HGSNAT: variants seen among roughly 807,000 people sequenced by gnomAD.
HGSNAT encodes the protein heparan-alpha-glucosaminide N-acetyltransferase, also known as transmembrane protein 76.
A neutral mutation model predicts 85.2 loss-of-function variants in HGSNAT; 59 were observed. That is an observed-to-expected ratio of 0.69 (90% CI 0.56 to 0.86). The LOEUF (loss-of-function observed/expected upper bound fraction) is 0.86. HGSNAT is among the 40% of genes least tolerant of loss of function. The pLI, the probability that HGSNAT is intolerant of heterozygous loss-of-function variation, is 0.00. For missense variants in HGSNAT, 756 were observed against 777.1 expected (o/e 0.97, Z 0.32); for synonymous variants, 321 against 304.5 (o/e 1.05, Z -0.56).
chr8:43,164,654 G>A (rs1161308015), intron 5 of HGSNAT, among the ~76,000 whole-genome samples: 4 of 152,108 alleles, frequency 2.6e-5, no homozygotes, highest in African/African-American at 7.2e-5. Flanking sequence ...GGCGGCGCAC[G>A]CCTGTAATCC....
chr8:43,144,614 C>T (rs1026202215), intron 1 of HGSNAT, among the ~76,000 whole-genome samples: 2 of 152,128 alleles, frequency 1.3e-5, no homozygotes, highest in African/African-American at 2.4e-5. Flanking sequence ...TCCCAAACAT[C>T]GCTTCCACTG....
intron 14 of HGSNAT, among the ~76,000 whole-genome samples, chr8:43,195,046 G>C (rs1804660639): frequency 6.6e-6 from 1 of 152,032 alleles, no homozygotes; most frequent in Non-Finnish European, 1.5e-5. Flanking sequence ...TGAGATGTGG[G>C]GAGTGTGACT....
At chr8:43,179,621 G>A (rs1384712473) in intron 10 of HGSNAT, among the ~76,000 whole-genome samples, 1 of 48,854 alleles carries the variant, frequency 2.0e-5, no homozygotes, top group Non-Finnish European at 3.7e-5. Context: ...GGGCAGAGGC[G>A]CCCCTCACCT....
rs1586760117 is a variant in HGSNAT, at chr8:43,199,475, A to C, written c.1814A>C (p.His605Pro). 1 of 1,612,986 alleles carries C rather than the reference A, an allele frequency of 6.2e-7. No individual in the cohort carries two copies. Residue 605 changes from histidine to proline, a missense_variant, in exon 18 of 18, where the codon CAC becomes CCC. Coordinates refer to ENST00000379644, the MANE Select transcript of HGSNAT (RefSeq NM_152419.3). ...FQWKLKDNQS[H>P]KEHLTQNIVA... ...TGGAAGCTGAAGGACAACCAGTCCC[A>C]CAAGGAGCACCTGACTCAGAACATC...
At chr8:43,193,679 T>C (rs1804615720) in intron 13 of HGSNAT, 78 bp from the exon 14 acceptor site, 7 of 903,052 alleles carry the variant, frequency 7.8e-6, no homozygotes. Flanking sequence ...GTATTCAGGT[T>C]TGTATTTGGT....
chr8:43,194,489 T>C (rs1397671333), intron 14 of HGSNAT: 2 of 985,314 alleles, frequency 2.0e-6, no homozygotes, highest in Non-Finnish European at 2.4e-6. Context: ...TCACACTTCT[T>C]TCATGTACAC....
chr8:43,190,493 G>A (rs1254423199), intron 11 of HGSNAT, among the ~76,000 whole-genome samples: 5 of 152,078 alleles, frequency 3.3e-5, no homozygotes, highest in African/African-American at 4.8e-5. Context: ...GATTTCCTTA[G>A]GGTGAAGGAC....
At chr8:43,169,130 T>G (rs1803530929) in intron 5 of HGSNAT, 43 bp from the exon 6 acceptor site, 1 of 1,218,492 alleles carries the variant, frequency 8.2e-7, no homozygotes, top group Non-Finnish European at 1.1e-6. Flanking sequence ...TAAAAAATTC[T>G]GCCAATGAAA....
chr8:43,184,492 C>T (rs185623183), intron 11 of HGSNAT, among the ~76,000 whole-genome samples: 1 of 151,952 alleles, frequency 6.6e-6, no homozygotes, highest in African/African-American at 2.4e-5. Flanking sequence ...TGTTTGATTT[C>T]TTCTTGTAAA....
intron 14 of HGSNAT, chr8:43,196,493 A>G: frequency 7.8e-7 from 1 of 1,289,820 alleles, no homozygotes; most frequent in Non-Finnish European, 1.0e-6. Flanking sequence ...TTTGTGGAGA[A>G]TTCTCTTTGG....
intron 11 of HGSNAT, among the ~76,000 whole-genome samples, chr8:43,184,297 G>C (rs1404520142): frequency 6.6e-6 from 1 of 150,606 alleles, no homozygotes; most frequent in Non-Finnish European, 1.5e-5. Context: ...TCCAGCACCT[G>C]TTGTTTCCTG....
chr8:43,186,272 G>GT lies in HGSNAT; in HGVS notation c.1128+4019dup, dbSNP rs545953515. Among the ~76,000 whole-genome samples, 9 of 152,110 alleles carry GT rather than the reference G, an allele frequency of 5.9e-5. No individual in the cohort carries two copies. The East Asian group carries it at 9.7e-4, about 16-fold the overall frequency. On this transcript the variant is annotated intron_variant, in intron 11 of 17. Transcript: ENST00000379644. ...GGTTGTGAATCCATCTGGTGCTGGAGTTTTTTTGTTGGTAGGCTATTAATT... is the reference window on the plus strand; with the variant it reads ...GGTTGTGAATCCATCTGGTGCTGGAGTTTTTTTTGTTGGTAGGCTATTAATT...
chr8:43,183,794 C>T (rs1216236474), intron 11 of HGSNAT, among the ~76,000 whole-genome samples: 1 of 152,110 alleles, frequency 6.6e-6, no homozygotes, highest in African/African-American at 2.4e-5. Flanking sequence ...TTTCCCCCTG[C>T]CCCACAACAG....
chr8:43,198,653 A>G (rs938870003), intron 17 of HGSNAT, among the ~76,000 whole-genome samples: 3 of 152,146 alleles, frequency 2.0e-5, no homozygotes, highest in African/African-American at 7.2e-5. Flanking sequence ...GAGATTGTGC[A>G]TTAGAAGAAA....
At chr8:43,141,133 ACG>A (rs1243628587) in intron 1 of HGSNAT, among the ~76,000 whole-genome samples, 1 of 152,040 alleles carries the variant, frequency 6.6e-6, no homozygotes, top group Non-Finnish European at 1.5e-5. Flanking sequence ...TGGGGCCGGG[ACG>A]CGCGTTCGCC....
chr8:43,158,450 G>T (rs1803161773), intron 2 of HGSNAT, 125 bp from the exon 3 acceptor site: 1 of 949,726 alleles, frequency 1.1e-6, no homozygotes, highest in Non-Finnish European at 1.6e-6. Context: ...TTGAAATGTA[G>T]AGGTTTTTTT....
At chr8:43,147,098 T>C (rs1165736564) in intron 2 of HGSNAT, 35 bp downstream of exon 2, 1 of 1,284,886 alleles carries the variant, frequency 7.8e-7, no homozygotes, top group Non-Finnish European at 1.1e-6. Context: ...CTGTTTGCTT[T>C]GGGGCTTGTT....
At chr8:43,156,569 T>G (rs1407606592) in intron 2 of HGSNAT, among the ~76,000 whole-genome samples, 2 of 152,232 alleles carry the variant, frequency 1.3e-5, no homozygotes, top group Non-Finnish European at 2.9e-5. Context: ...CTGTTACTGA[T>G]TTTTAGTTTT....
intron 9 of HGSNAT, among the ~76,000 whole-genome samples, chr8:43,174,838 T>A (rs543003498): frequency 6.6e-6 from 1 of 152,250 alleles, no homozygotes; most frequent in Non-Finnish European, 1.5e-5. Flanking sequence ...CACCCTGTCA[T>A]GCTATCAAAT....
Sources: allele counts gnomAD v4.1 joint callset (sites outside exome capture counted in the v4.1 genomes callset), GRCh38; gene constraint gnomAD v4.1.1; transcripts MANE v1.5; gene names NCBI Gene and HGNC (gene_info 2026-07-23, HGNC 2026-07-21).